The following PRKN variants were observed in gnomAD, a reference collection of about 807,000 sequenced individuals.
PRKN encodes parkin RBR E3 ubiquitin protein ligase.
In PRKN, 56 loss-of-function variants were observed where a neutral mutation model predicts 59.5. The ratio of observed to expected loss-of-function variants is 0.94; its 90% CI spans 0.76 to 1.18. The LOEUF (loss-of-function observed/expected upper bound fraction) is 1.18. Ranked by LOEUF, PRKN falls within the 50% of genes most tolerant of loss-of-function variation. The pLI, the probability that PRKN is intolerant of heterozygous loss-of-function variation, is 0.00. For missense variants in PRKN, 657 were observed against 596.4 expected (o/e 1.10, Z -1.06); for synonymous variants, 250 against 222.1 (o/e 1.13, Z -1.12).
chr6:162,645,504 G>A (rs538772109), intron 1 of PRKN, among the ~76,000 whole-genome samples: 24 of 152,180 alleles, frequency 1.6e-4, no homozygotes, highest in African/African-American at 5.5e-4. Context: ...CTCTTTCATA[G>A]CATGGAAAAA....
In PRKN at chr6:162,174,388, C is replaced by T. The variant is rs144876517; in HGVS notation, c.534+26743G>A. ...CAAGTCCTTGCCGTCCCCTCAACCACACAAACTCATGCACCCATAAATATC... is the reference window on the plus strand; with the variant it reads ...CAAGTCCTTGCCGTCCCCTCAACCATACAAACTCATGCACCCATAAATATC... On this transcript the variant is annotated intron_variant, in intron 4 of 11. Coordinates refer to ENST00000366898, the MANE Select transcript of PRKN (RefSeq NM_004562.3). Among the ~76,000 whole-genome samples the T allele has an allele frequency of 1.9e-3, 292 of 152,294 alleles. 1 individual carries two copies. The highest frequency in any genetic ancestry group is 6.6e-3 in the African/African-American group (276 of 41,554).
chr6:161,912,203 T>C, intron 6 of PRKN, among the ~76,000 whole-genome samples: 1 of 149,454 alleles, frequency 6.7e-6, no homozygotes, highest in South Asian at 2.1e-4. Flanking sequence ...AGTTGGATGA[T>C]GAAAAATTTT....
chr6:162,018,316 G>A (rs887277362), intron 5 of PRKN, among the ~76,000 whole-genome samples: 6 of 152,228 alleles, frequency 3.9e-5, no homozygotes, highest in Admixed American at 3.3e-4. Context: ...GTGAGCCACC[G>A]CGCCCGGCCC....
chr6:162,529,530 G>C (rs1778421337), intron 1 of PRKN, among the ~76,000 whole-genome samples: 1 of 152,110 alleles, frequency 6.6e-6, no homozygotes, highest in Non-Finnish European at 1.5e-5. Flanking sequence ...CAGCAGGCAG[G>C]TCTATGCAAC....
intron 5 of PRKN, among the ~76,000 whole-genome samples, chr6:162,028,391 A>C (rs1783514862): frequency 6.6e-6 from 1 of 152,146 alleles, no homozygotes; most frequent in African/African-American, 2.4e-5. Context: ...TGTGCTCTGA[A>C]ACGGAGAGGT....
At chr6:161,996,250 C>T (rs1163724058) in intron 5 of PRKN, among the ~76,000 whole-genome samples, 3 of 152,034 alleles carry the variant, frequency 2.0e-5, no homozygotes, top group African/African-American at 7.2e-5. Flanking sequence ...TTGCAGAAAC[C>T]TGGATGAACT....
intron 7 of PRKN, among the ~76,000 whole-genome samples, chr6:161,712,332 A>T (rs926116194): frequency 6.6e-6 from 1 of 152,066 alleles, no homozygotes; most frequent in Non-Finnish European, 1.5e-5. Context: ...ACTGGATGAA[A>T]TGTGGGCAGG....
intron 4 of PRKN, among the ~76,000 whole-genome samples, chr6:162,119,736 A>G (rs1433932022): frequency 6.6e-6 from 1 of 152,104 alleles, no homozygotes; most frequent in Non-Finnish European, 1.5e-5. Flanking sequence ...AGGAAGGGAG[A>G]AGGGCTGCTT....
chr6:162,012,529 T>G (rs1583486165), intron 5 of PRKN, among the ~76,000 whole-genome samples: 1 of 152,146 alleles, frequency 6.6e-6, no homozygotes, highest in East Asian at 1.9e-4. Flanking sequence ...AACACTTCAC[T>G]TGGGATTTCC....
At chr6:161,822,977 C>T (rs1373166923) in intron 6 of PRKN, among the ~76,000 whole-genome samples, 2 of 152,248 alleles carry the variant, frequency 1.3e-5, no homozygotes, top group Admixed American at 1.3e-4. Context: ...TTCTCTGTCA[C>T]TCAGGCTGGA....
rs1016418890 is a variant in PRKN, at chr6:162,572,957, C to T, written c.8-129484G>A. Among the ~76,000 whole-genome samples, 5 of 152,280 alleles carry T rather than the reference C, an allele frequency of 3.3e-5. No homozygotes were observed. The South Asian group carries it at 1.0e-3, about 32-fold the overall frequency. On this transcript the variant is annotated intron_variant, in intron 1 of 11. Coordinates refer to ENST00000366898, the MANE Select transcript of PRKN (RefSeq NM_004562.3). ...GTGTCACCCCCTGTCATTAATAAAG[C>T]TATCAACAGTCAGTAAAAGGCAACA...
At chr6:162,339,363 C>T (rs1784042310) in intron 2 of PRKN, among the ~76,000 whole-genome samples, 1 of 147,734 alleles carries the variant, frequency 6.8e-6, no homozygotes, top group South Asian at 2.1e-4. Flanking sequence ...CCCGCCCGGC[C>T]AGCCGCCCCG....
chr6:161,977,570 CAG>C (rs1257131669), intron 5 of PRKN, among the ~76,000 whole-genome samples: 5 of 107,698 alleles, frequency 4.6e-5, no homozygotes, highest in Non-Finnish European at 1.8e-5. Context: ...TTTTTTAAGA[CAG>C]AGTCTTTTCT....
intron 5 of PRKN, among the ~76,000 whole-genome samples, chr6:161,977,877 C>T (rs1781111108): frequency 6.6e-6 from 1 of 151,980 alleles, no homozygotes; most frequent in Non-Finnish European, 1.5e-5. Context: ...AGGTCATTTG[C>T]TCTAAAACTT....
At chr6:162,093,603 G>A (rs951541043) in intron 4 of PRKN, among the ~76,000 whole-genome samples, 2 of 152,166 alleles carry the variant, frequency 1.3e-5, no homozygotes, top group African/African-American at 4.8e-5. Context: ...AGATGTACTT[G>A]AATGTAAAAG....
intron 1 of PRKN, among the ~76,000 whole-genome samples, chr6:162,458,783 T>C (rs1378393565): frequency 2.0e-5 from 3 of 152,098 alleles, no homozygotes; most frequent in African/African-American, 7.2e-5. Flanking sequence ...AAATGACTTA[T>C]ATTGAGTAAA....
chr6:162,550,702 G>A (rs776973858), intron 1 of PRKN, among the ~76,000 whole-genome samples: 7 of 152,250 alleles, frequency 4.6e-5, no homozygotes, highest in South Asian at 4.1e-4. Flanking sequence ...AACAGAAAGC[G>A]TCAAGTCTCT....
At chr6:161,955,332 C>T (rs566229308) in intron 6 of PRKN, among the ~76,000 whole-genome samples, 6 of 152,116 alleles carry the variant, frequency 3.9e-5, no homozygotes, top group African/African-American at 7.2e-5. Flanking sequence ...AAAACTACCC[C>T]GGATGAAAGC....
intron 1 of PRKN, among the ~76,000 whole-genome samples, chr6:162,463,504 T>C (rs1791267610): frequency 6.6e-6 from 1 of 152,144 alleles, no homozygotes; most frequent in Non-Finnish European, 1.5e-5. Flanking sequence ...AGGGCAGAAG[T>C]GCTTCCTGTC....
Sources: allele counts gnomAD v4.1 joint callset (sites outside exome capture counted in the v4.1 genomes callset), GRCh38; gene constraint gnomAD v4.1.1; transcripts MANE v1.5; gene names NCBI Gene and HGNC (gene_info 2026-07-23, HGNC 2026-07-21).